Variants in CSMD1 observed in about 807,000 individuals in gnomAD.
The protein encoded by CSMD1 is CUB and sushi domain-containing protein 1.
In CSMD1, 213 loss-of-function variants were observed where a neutral mutation model predicts 417.5. The observed-to-expected ratio is 0.51, with a 90% CI of 0.46 to 0.57. The LOEUF is 0.57. Among genes scored for constraint, CSMD1 ranks in the 20% least tolerant of loss-of-function variants. The pLI is 0.00. For synonymous variants in CSMD1, 2,862 were observed against 1,736.8 expected (o/e 1.65, Z -16.11); for missense variants, 6,923 against 4,529.7 (o/e 1.53, Z -15.17).
chr8:4,759,525 G>A (rs1051482250), intron 1 of CSMD1, among the ~76,000 whole-genome samples: 1 of 152,116 alleles, frequency 6.6e-6, no homozygotes, highest in African/African-American at 2.4e-5. Flanking sequence ...ATTAAGCCCA[G>A]CATGCACTAG....
intron 3 of CSMD1, among the ~76,000 whole-genome samples, chr8:4,132,985 G>C (rs1803201953): frequency 6.6e-6 from 1 of 152,142 alleles, no homozygotes; most frequent in South Asian, 2.1e-4. Context: ...CCAGGCTGCA[G>C]TGCAGTGGCG....
intron 39 of CSMD1, among the ~76,000 whole-genome samples, chr8:3,155,624 C>T (rs1332794598): frequency 6.6e-6 from 1 of 151,774 alleles, no homozygotes; most frequent in African/African-American, 2.4e-5. Context: ...GCCTCAGCCT[C>T]CCAAAGTGCT....
chr8:3,701,578 G>A (rs867385258), intron 7 of CSMD1, among the ~76,000 whole-genome samples: 1 of 151,168 alleles, frequency 6.6e-6, no homozygotes, highest in South Asian at 2.1e-4. Context: ...TATTTTATTT[G>A]TTCATAAATT....
chr8:3,235,427 A>G (rs1799093359), intron 26 of CSMD1, among the ~76,000 whole-genome samples: 1 of 152,220 alleles, frequency 6.6e-6, no homozygotes, highest in African/African-American at 2.4e-5. Flanking sequence ...CTTGCAAAAA[A>G]TAAGTGCTCT....
At chr8:3,523,418 G>A (rs1258463241) in intron 10 of CSMD1, among the ~76,000 whole-genome samples, 1 of 152,192 alleles carries the variant, frequency 6.6e-6, no homozygotes, top group South Asian at 2.1e-4. Flanking sequence ...CAAAGCGTTT[G>A]CAACCTAGAT....
chr8:4,067,137 C>A (rs190369621), intron 3 of CSMD1, among the ~76,000 whole-genome samples: 1 of 152,316 alleles, frequency 6.6e-6, no homozygotes. Context: ...TCACTTCATG[C>A]AAAACCAAAG....
intron 3 of CSMD1, among the ~76,000 whole-genome samples, chr8:4,312,677 G>C (rs1563435890): frequency 2.0e-5 from 3 of 151,790 alleles, no homozygotes; most frequent in Admixed American, 2.0e-4. Context: ...AGGAGTTTGA[G>C]ACCAGCCTGG....
chr8:3,875,211 G>A (rs980596165), intron 5 of CSMD1, among the ~76,000 whole-genome samples: 4 of 152,120 alleles, frequency 2.6e-5, no homozygotes, highest in Non-Finnish European at 5.9e-5. Flanking sequence ...GAGGCCATTC[G>A]GGAGCCACCA....
chr8:4,003,148 C>G (rs924506302), intron 4 of CSMD1, among the ~76,000 whole-genome samples: 1 of 152,008 alleles, frequency 6.6e-6, no homozygotes, highest in African/African-American at 2.4e-5. Context: ...AGTCCCAACA[C>G]TTTGGGAGCC....
intron 2 of CSMD1, among the ~76,000 whole-genome samples, chr8:4,569,544 T>G (rs562613791): frequency 6.6e-6 from 1 of 152,208 alleles, no homozygotes; most frequent in Non-Finnish European, 1.5e-5. Flanking sequence ...TCAGTTACTC[T>G]TGTCTTGTAA....
At chr8:3,428,989 G>C (rs1387188223) in intron 12 of CSMD1, among the ~76,000 whole-genome samples, 1 of 152,128 alleles carries the variant, frequency 6.6e-6, no homozygotes, top group Non-Finnish European at 1.5e-5. Flanking sequence ...TCAGAAAACT[G>C]ATCTCATTGG....
chr8:3,239,506 G>C (rs937624243), intron 26 of CSMD1, among the ~76,000 whole-genome samples: 1 of 152,210 alleles, frequency 6.6e-6, no homozygotes, highest in Admixed American at 6.5e-5. Context: ...GGGGCATGTT[G>C]AGTAAAGCTA....
At chr8:3,801,353 GA>G (rs1374366274) in intron 5 of CSMD1, among the ~76,000 whole-genome samples, 4 of 152,064 alleles carry the variant, frequency 2.6e-5, no homozygotes, top group Non-Finnish European at 5.9e-5. Flanking sequence ...ATAAGCCCAT[GA>G]AAAGATGCTA....
intron 3 of CSMD1, among the ~76,000 whole-genome samples, chr8:4,358,110 CAATTT>C (rs992206375): frequency 6.6e-6 from 1 of 152,006 alleles, no homozygotes; most frequent in Non-Finnish European, 1.5e-5. Flanking sequence ...TATGATCAGC[CAATTT>C]AATTTATTCT....
At chr8:3,936,817 A>G (rs112141678) in intron 5 of CSMD1, among the ~76,000 whole-genome samples, 2 of 152,182 alleles carry the variant, frequency 1.3e-5, no homozygotes, top group Non-Finnish European at 2.9e-5. Flanking sequence ...ATGTTTCATA[A>G]GGCTATTGCT....
At chr8:4,287,239 T>C (rs898086251) in intron 3 of CSMD1, among the ~76,000 whole-genome samples, 2 of 152,202 alleles carry the variant, frequency 1.3e-5, no homozygotes, top group Non-Finnish European at 2.9e-5. Flanking sequence ...TCCTGGCAAG[T>C]TCTAAAAGAT....
At chr8:3,808,892 AT>A (rs1318957835) in intron 5 of CSMD1, among the ~76,000 whole-genome samples, 1 of 152,148 alleles carries the variant, frequency 6.6e-6, no homozygotes, top group Non-Finnish European at 1.5e-5. Context: ...CATATCAGGG[AT>A]TTTAAACTTC....
intron 1 of CSMD1, among the ~76,000 whole-genome samples, chr8:4,838,519 G>A (rs948810042): frequency 8.5e-5 from 13 of 152,178 alleles, no homozygotes; most frequent in African/African-American, 1.2e-4. Flanking sequence ...TCCCTTGATG[G>A]GGCAAAGCAT....
intron 37 of CSMD1, among the ~76,000 whole-genome samples, chr8:3,166,703 A>G (rs1165855985): frequency 6.6e-6 from 1 of 152,196 alleles, no homozygotes; most frequent in Non-Finnish European, 1.5e-5. Flanking sequence ...ATAGACATTT[A>G]TAAGTATTTA....
Sources: allele counts gnomAD v4.1 joint callset (sites outside exome capture counted in the v4.1 genomes callset), GRCh38; gene constraint gnomAD v4.1.1; transcripts MANE v1.5; gene names NCBI Gene and HGNC (gene_info 2026-07-23, HGNC 2026-07-21).